The following KCNH5 variants were observed in gnomAD, a reference collection of about 807,000 sequenced individuals.
KCNH5 encodes potassium voltage-gated channel subfamily H member 5, also known as voltage-gated delayed rectifier potassium channel KCNH5.
A neutral mutation model predicts 96.1 loss-of-function variants in KCNH5; 46 were observed. The ratio of observed to expected loss-of-function variants is 0.48; its 90% CI spans 0.38 to 0.61. The LOEUF is 0.61. Among genes scored for constraint, KCNH5 ranks in the 20% least tolerant of loss-of-function variants. The probability of loss-of-function intolerance (pLI) is 0.00; values close to 1 mark genes in which losing one functional copy is unlikely to be tolerated. For missense variants in KCNH5, 907 were observed against 1,225.8 expected, an observed-to-expected ratio of 0.74 and a Z score of 3.88; for synonymous variants, 439 against 449.8, an observed-to-expected ratio of 0.98 and a Z score of 0.30.
In KCNH5 at chr14:62,702,599, T is replaced by G. The variant is rs942223357; in HGVS notation, c.*4909A>C. 1 of 152,018 alleles carries G rather than the reference T, an allele frequency of 6.6e-6. No individual in the cohort carries two copies. The highest frequency in any genetic ancestry group is 1.5e-5 in the Non-Finnish European group (1 of 67,886). The allele number at this position is 152,018 out of a possible 1,614,324, so 9.4% of individuals were successfully genotyped here. ...AACCTAAATAAAATGCTTATCATAG[T>G]GAGACCTTGGTAAATATAAGCTTAG... On this transcript the variant is annotated 3_prime_UTR_variant, in exon 11 of 11. Transcript: ENST00000322893.
At chr14:62,945,298 A>G (rs1464311959) in intron 7 of KCNH5, among the ~76,000 whole-genome samples, 1 of 151,982 alleles carries the variant, frequency 6.6e-6, no homozygotes, top group Non-Finnish European at 1.5e-5. Context: ...GAATGACTAC[A>G]CCCCCAAAGG....
At chr14:62,948,551 T>C (rs990637023) in intron 7 of KCNH5, among the ~76,000 whole-genome samples, 2 of 151,954 alleles carry the variant, frequency 1.3e-5, no homozygotes, top group South Asian at 4.1e-4. Flanking sequence ...CAGGACCAGA[T>C]GGATTCACAG....
intron 1 of KCNH5, among the ~76,000 whole-genome samples, chr14:63,034,043 C>T (rs373349402): frequency 5.9e-5 from 9 of 152,200 alleles, no homozygotes; most frequent in African/African-American, 1.2e-4. Context: ...CCTCAGCCTC[C>T]GGAGTAGCTG....
chr14:62,869,788 C>A (rs150420099), intron 7 of KCNH5, among the ~76,000 whole-genome samples: 2,796 of 152,152 alleles, frequency 0.018, 83 homozygotes, highest in African/African-American at 0.063. Context: ...TCAGAAATAA[C>A]GCCACACATC....
chr14:62,857,278 G>A (rs1887948134), intron 7 of KCNH5, among the ~76,000 whole-genome samples: 1 of 151,982 alleles, frequency 6.6e-6, no homozygotes, highest in Admixed American at 6.5e-5. Flanking sequence ...GGAAAGATGT[G>A]GGAAGATTGT....
intron 9 of KCNH5, among the ~76,000 whole-genome samples, chr14:62,783,207 C>G (rs929662046): frequency 1.3e-5 from 2 of 152,172 alleles, no homozygotes; most frequent in African/African-American, 4.8e-5. Flanking sequence ...AACATACACA[C>G]ATACATGCAC....
rs370630404 is a variant in KCNH5, at chr14:63,010,991, A to G, written c.198-4519T>C. Among the ~76,000 whole-genome samples, 3 of 152,306 alleles carry G rather than the reference A, an allele frequency of 2.0e-5. No individual in the cohort carries two copies. The South Asian group carries it at 6.2e-4, about 32-fold the overall frequency. On this transcript the variant is annotated intron_variant, in intron 2 of 10. Transcript: ENST00000322893. Reference sequence around the variant, plus strand: ...ATATTATCTGCAGGCTGTAGTTCATAGATTAGCAAATCCTTCGTCAAAACA... The same window carrying G: ...ATATTATCTGCAGGCTGTAGTTCATGGATTAGCAAATCCTTCGTCAAAACA...
chr14:63,019,260 G>A (rs1008377586), intron 1 of KCNH5, among the ~76,000 whole-genome samples: 1 of 151,952 alleles, frequency 6.6e-6, no homozygotes, highest in Admixed American at 6.6e-5. Flanking sequence ...ACATCAAAAA[G>A]TGTTCTATTT....
intron 3 of KCNH5, among the ~76,000 whole-genome samples, chr14:63,003,404 C>A (rs1891047357): frequency 7.3e-6 from 1 of 136,430 alleles, no homozygotes. Flanking sequence ...GGAGCCTCGG[C>A]TATCAGTTCT....
At chr14:63,037,174 C>T (rs1891736742) in intron 1 of KCNH5, among the ~76,000 whole-genome samples, 1 of 152,128 alleles carries the variant, frequency 6.6e-6, no homozygotes, top group African/African-American at 2.4e-5. Flanking sequence ...CACTCTAACC[C>T]CATAAACTAG....
intron 7 of KCNH5, among the ~76,000 whole-genome samples, chr14:62,935,533 T>C (rs1015904055): frequency 6.6e-6 from 1 of 152,186 alleles, no homozygotes; most frequent in African/African-American, 2.4e-5. Context: ...TGTGAATTAA[T>C]AATCCCTGGT....
chr14:62,733,810 T>C (rs1885100651), intron 10 of KCNH5, among the ~76,000 whole-genome samples: 1 of 152,190 alleles, frequency 6.6e-6, no homozygotes, highest in African/African-American at 2.4e-5. Context: ...GCTTCCTTTA[T>C]TGGCATTCAT....
At chr14:62,822,628 T>C (rs1296279747) in intron 8 of KCNH5, among the ~76,000 whole-genome samples, 1 of 151,584 alleles carries the variant, frequency 6.6e-6, no homozygotes, top group Non-Finnish European at 1.5e-5. Context: ...ACATACACAT[T>C]TTCAAAAATG....
At chr14:62,756,393 C>T (rs1297647678) in intron 10 of KCNH5, among the ~76,000 whole-genome samples, 1 of 151,670 alleles carries the variant, frequency 6.6e-6, no homozygotes, top group East Asian at 1.9e-4. Flanking sequence ...TCTATGGATT[C>T]AACACAATGC....
intron 10 of KCNH5, among the ~76,000 whole-genome samples, chr14:62,712,012 CT>C (rs1489993605): frequency 6.6e-6 from 1 of 152,108 alleles, no homozygotes; most frequent in Non-Finnish European, 1.5e-5. Context: ...CCCCTTTCTC[CT>C]TAGCAGCAGG....
intron 1 of KCNH5, among the ~76,000 whole-genome samples, chr14:63,020,686 G>A (rs114721983): frequency 1.1e-3 from 173 of 152,256 alleles, no homozygotes; most frequent in African/African-American, 4.1e-3. Flanking sequence ...TCTGGCAAAT[G>A]TAATTGTTCT....
chr14:62,763,235 G>T (rs1885790946), intron 10 of KCNH5, among the ~76,000 whole-genome samples: 1 of 151,996 alleles, frequency 6.6e-6, no homozygotes, highest in African/African-American at 2.4e-5. Context: ...TTAATACTAA[G>T]ATGCTTTCTA....
At chr14:62,812,465 T>A (rs1433844557) in intron 8 of KCNH5, among the ~76,000 whole-genome samples, 3 of 152,180 alleles carry the variant, frequency 2.0e-5, no homozygotes, top group East Asian at 1.9e-4. Flanking sequence ...AGTTTTATTG[T>A]ATACATGAAA....
chr14:62,907,841 T>C (rs1889059801), intron 7 of KCNH5, among the ~76,000 whole-genome samples: 1 of 152,164 alleles, frequency 6.6e-6, no homozygotes, highest in Non-Finnish European at 1.5e-5. Context: ...CCCTGCCCTG[T>C]GTAACAGCAT....
Sources: gnomAD v4.1 joint callset for allele counts (sites outside exome capture counted in the v4.1 genomes callset) on GRCh38, gnomAD v4.1.1 for gene constraint, MANE v1.5 for transcripts, NCBI Gene and HGNC (gene_info 2026-07-23, HGNC 2026-07-21) for gene names.